Variants in PTPRT observed in about 807,000 individuals in gnomAD.
The protein encoded by PTPRT is protein tyrosine phosphatase receptor type T.
A neutral mutation model predicts 176.8 loss-of-function variants in PTPRT; 56 were observed. That is an observed-to-expected ratio of 0.32 (90% CI 0.26 to 0.40). PTPRT has a LOEUF of 0.40. PTPRT is among the 10% of genes least tolerant of loss of function. The probability of loss-of-function intolerance (pLI) is 1.00; values close to 1 mark genes in which losing one functional copy is unlikely to be tolerated. For synonymous variants in PTPRT, 783 were observed against 739.0 expected (o/e 1.06, Z -0.96); for missense variants, 1,540 against 1,908.2 (o/e 0.81, Z 3.60).
At chr20:42,636,150 G>A in intron 7 of PTPRT, among the ~76,000 whole-genome samples, 1 of 152,082 alleles carries the variant, frequency 6.6e-6, no homozygotes, top group East Asian at 1.9e-4. Context: ...CCTGGGGAAG[G>A]GTTGTTTATT....
At chr20:43,114,499 G>A (rs181502835) in intron 1 of PTPRT, among the ~76,000 whole-genome samples, 5 of 152,284 alleles carry the variant, frequency 3.3e-5, no homozygotes, top group African/African-American at 1.2e-4. Context: ...GAATAATGCA[G>A]CACCTACTAC....
chr20:42,087,872 C>CAAAAAAAAAAAAAAAAAAA (rs56235565), intron 27 of PTPRT, among the ~76,000 whole-genome samples: 1 of 89,052 alleles, frequency 1.1e-5, no homozygotes, highest in Non-Finnish European at 2.3e-5. Flanking sequence ...GACTCCATTT[C>CAAAAAAAAAAAAAAAAAAA]AAAAAAAAAA....
chr20:42,632,868 G>C (rs796817526), intron 7 of PTPRT, among the ~76,000 whole-genome samples: 15 of 152,136 alleles, frequency 9.9e-5, no homozygotes, highest in African/African-American at 3.6e-4. Flanking sequence ...AGCAGCTAGG[G>C]TAACAAATCC....
intron 1 of PTPRT, among the ~76,000 whole-genome samples, chr20:42,962,822 CTT>C (rs1221800824): frequency 3.3e-5 from 5 of 152,158 alleles, no homozygotes; most frequent in African/African-American, 9.7e-5. Flanking sequence ...ACTCCCAACA[CTT>C]TGGGAGGCTA....
intron 9 of PTPRT, among the ~76,000 whole-genome samples, chr20:42,371,235 G>C (rs1397522853): frequency 6.6e-6 from 1 of 152,160 alleles, no homozygotes; most frequent in African/African-American, 2.4e-5. Flanking sequence ...CCACTGGTCG[G>C]TGAAGGAATA....
intron 5 of PTPRT, among the ~76,000 whole-genome samples, chr20:42,770,734 C>T (rs983516420): frequency 2.0e-5 from 3 of 152,202 alleles, no homozygotes; most frequent in Non-Finnish European, 2.9e-5. Context: ...ATGACAACCA[C>T]GTACCAAGAA....
chr20:43,145,958 T>G (rs963217017), intron 1 of PTPRT, among the ~76,000 whole-genome samples: 5 of 152,236 alleles, frequency 3.3e-5, no homozygotes, highest in African/African-American at 1.2e-4. Flanking sequence ...TCAATCTTTT[T>G]TATGATATCA....
intron 2 of PTPRT, among the ~76,000 whole-genome samples, chr20:42,816,047 C>G (rs1251487054): frequency 6.6e-6 from 1 of 152,096 alleles, no homozygotes; most frequent in Non-Finnish European, 1.5e-5. Context: ...GGAGCTGGCA[C>G]ACACACAAAA....
intron 15 of PTPRT, among the ~76,000 whole-genome samples, chr20:42,208,283 C>G: frequency 6.9e-6 from 1 of 144,402 alleles, no homozygotes; most frequent in Non-Finnish European, 1.5e-5. Context: ...ATCAAATTCA[C>G]ACATAACAAT....
intron 12 of PTPRT, among the ~76,000 whole-genome samples, chr20:42,283,756 G>C (rs1022730337): frequency 2.6e-5 from 4 of 152,060 alleles, no homozygotes; most frequent in African/African-American, 9.7e-5. Flanking sequence ...GCTAGAACCA[G>C]ACACATGGCC....
At chr20:42,946,434 G>A (rs549756532) in intron 1 of PTPRT, among the ~76,000 whole-genome samples, 27 of 152,270 alleles carry the variant, frequency 1.8e-4, no homozygotes, top group African/African-American at 6.3e-4. Flanking sequence ...ACCAAACCCA[G>A]AAATCCCAAG....
intron 7 of PTPRT, among the ~76,000 whole-genome samples, chr20:42,552,041 A>G (rs1041073703): frequency 1.4e-4 from 21 of 152,184 alleles, no homozygotes; most frequent in African/African-American, 4.6e-4. Flanking sequence ...TAACCTCTAG[A>G]GAATTCTTTT....
chr20:42,161,385 T>A lies in PTPRT; in HGVS notation c.2649A>T (p.Arg883Ser). 1 of 1,614,088 alleles carries A rather than the reference T, an allele frequency of 6.2e-7. No individual in the cohort carries two copies. Among genetic ancestry groups the A allele is most frequent in the Non-Finnish European group, 8.5e-7 (1 of 1,180,010 alleles). ...DLLQHITQMK[R>S]GQGYGFKEEY... ...CCTCCTTGAACCCGTAGCCCTGGCC[T>A]CTCTTCATCTGCGTGATGTGCTGCA... Residue 883 changes from arginine to serine, a missense_variant, in exon 17 of 31, where the codon AGA becomes AGT. Physicochemically the swap from Arg to Ser is moderately radical, Grantham distance 110. This residue lies in a region of PTPRT where 255 missense variants were observed against 250.1 expected (regional missense o/e 1.02). Transcript: ENST00000373187.
intron 4 of PTPRT, among the ~76,000 whole-genome samples, chr20:42,776,164 T>C (rs2077132457): frequency 6.6e-6 from 1 of 152,192 alleles, no homozygotes; most frequent in Non-Finnish European, 1.5e-5. Context: ...TGAGACCAGT[T>C]GGCTCTGCCT....
rs192839624 is a variant in PTPRT at position 43,163,796 on chromosome 20, T to C, written c.88+25850A>G. On this transcript the variant is annotated intron_variant, in intron 1 of 30. Transcript: ENST00000373187. ...ATACACCGACAGCACATCTATCTCA[T>C]GTGTGTGTCTTTGTGTGCATAGAAA... 2.1e-3 allele frequency among the ~76,000 whole-genome samples: 315 copies of C among 152,252 alleles called. 1 individual carries two copies. Among genetic ancestry groups the C allele is most frequent in the African/African-American group, 7.3e-3 (305 of 41,546 alleles).
intron 12 of PTPRT, among the ~76,000 whole-genome samples, chr20:42,288,649 G>T (rs6030110): frequency 6.6e-6 from 1 of 151,992 alleles, no homozygotes; most frequent in Admixed American, 6.6e-5. Context: ...AATTTTCTTA[G>T]GATAATGGCT....
At chr20:42,139,618 C>A (rs1600576557) in intron 18 of PTPRT, among the ~76,000 whole-genome samples, 1 of 152,250 alleles carries the variant, frequency 6.6e-6, no homozygotes, top group Non-Finnish European at 1.5e-5. Context: ...TGCAGGCTGC[C>A]TGTGCCTGGG....
intron 7 of PTPRT, among the ~76,000 whole-genome samples, chr20:42,613,769 T>C (rs2074015066): frequency 6.6e-6 from 1 of 152,190 alleles, no homozygotes; most frequent in African/African-American, 2.4e-5. Context: ...TCTTTCCTTT[T>C]CCTTTCTATT....
At chr20:42,755,615 A>G (rs2076820191) in intron 6 of PTPRT, among the ~76,000 whole-genome samples, 1 of 152,156 alleles carries the variant, frequency 6.6e-6, no homozygotes, top group South Asian at 2.1e-4. Flanking sequence ...ACAAAGAAAA[A>G]TCCATAAAGA....
Sources: gnomAD v4.1 joint callset for allele counts (sites outside exome capture counted in the v4.1 genomes callset) on GRCh38, gnomAD v4.1.1 for gene constraint, gnomAD v4.1.1 regional missense constraint, MANE v1.5 for transcripts, NCBI Gene and HGNC (gene_info 2026-07-23, HGNC 2026-07-21) for gene names.